Variants in SHISA9 observed in about 807,000 individuals in gnomAD.
SHISA9 encodes the protein shisa family member 9.
In SHISA9, 13 loss-of-function variants were observed where a neutral mutation model predicts 38.0. The observed-to-expected ratio is 0.34, with a 90% confidence interval of 0.22 to 0.54. The LOEUF is 0.54. Ranked by LOEUF, SHISA9 falls within the 20% of genes least tolerant of loss-of-function variation. The pLI, the probability that SHISA9 is intolerant of heterozygous loss-of-function variation, is 0.91. For missense variants in SHISA9, 538 were observed against 575.8 expected, an observed-to-expected ratio of 0.93 and a Z score of 0.67; for synonymous variants, 275 against 242.0, an observed-to-expected ratio of 1.14 and a Z score of -1.27.
intron 2 of SHISA9, among the ~76,000 whole-genome samples, chr16:12,946,952 CT>C (rs1378628418): frequency 6.6e-6 from 1 of 152,262 alleles, no homozygotes; most frequent in Non-Finnish European, 1.5e-5. Context: ...GCTTTTTCTG[CT>C]GCAATAGCAG....
chr16:13,503,042 G>C, the SHISA9 span, among the ~76,000 whole-genome samples: 5 of 152,176 alleles, frequency 3.3e-5, no homozygotes, highest in Non-Finnish European at 5.9e-5. Context: ...ACTTAACAGG[G>C]ACGACATGGC....
chr16:13,456,707 A>G, the SHISA9 span, among the ~76,000 whole-genome samples: 1 of 152,234 alleles, frequency 6.6e-6, no homozygotes, highest in Non-Finnish European at 1.5e-5. Context: ...CCTCCAGAAA[A>G]GCTGAAGACT....
At chr16:13,386,929 T>C in the SHISA9 span, among the ~76,000 whole-genome samples, 36 of 152,346 alleles carry the variant, frequency 2.4e-4, no homozygotes, top group African/African-American at 8.7e-4. Context: ...TATGCGTGTC[T>C]CTCTGGGCTA....
At chr16:13,262,446 T>C in the SHISA9 span, among the ~76,000 whole-genome samples, 144 of 152,328 alleles carry the variant, frequency 9.5e-4, 3 homozygotes, top group East Asian at 0.024. Context: ...CTGCACTCTG[T>C]CTATATCAGA....
At chr16:13,245,782 C>T in the SHISA9 span, among the ~76,000 whole-genome samples, 37 of 152,278 alleles carry the variant, frequency 2.4e-4, 2 homozygotes, top group African/African-American at 7.5e-4. Flanking sequence ...TCACTTCTCC[C>T]TGGAATGAGG....
rs144446103 is a variant in SHISA9, at chr16:13,006,819, A to G, written c.691+90004A>G. On this transcript the variant is annotated intron_variant, in intron 2 of 4. Coordinates refer to ENST00000558583, the MANE Select transcript of SHISA9 (RefSeq NM_001145204.3). ...TGACACAATTGTCCACTCTCTGATC[A>G]CTGAAGCTCATCCCCCGTCCCCCAC... 5.1e-4 allele frequency among the ~76,000 whole-genome samples: 78 copies of G among 152,202 alleles called. 2 individuals are homozygous for G. In the East Asian group the frequency reaches 0.01, roughly 20 times the overall value.
intron 2 of SHISA9, among the ~76,000 whole-genome samples, chr16:13,074,789 C>G (rs1039705680): frequency 6.6e-6 from 1 of 151,696 alleles, no homozygotes; most frequent in African/African-American, 2.4e-5. Flanking sequence ...CTCAGCCTCC[C>G]GAGCAGCTGG....
At chr16:13,485,663 C>G in the SHISA9 span, among the ~76,000 whole-genome samples, 1 of 152,160 alleles carries the variant, frequency 6.6e-6, no homozygotes, top group Admixed American at 6.5e-5. Flanking sequence ...TTCAATTCTT[C>G]TCTTCTAGGT....
At chr16:13,059,742 C>G (rs367794948) in intron 2 of SHISA9, among the ~76,000 whole-genome samples, 11 of 152,142 alleles carry the variant, frequency 7.2e-5, no homozygotes, top group African/African-American at 2.2e-4. Flanking sequence ...ACATTCTGAC[C>G]TCAAGTTAGA....
chr16:12,980,974 G>C (rs1007012870), intron 2 of SHISA9, among the ~76,000 whole-genome samples: 4 of 151,612 alleles, frequency 2.6e-5, no homozygotes, highest in African/African-American at 4.9e-5. Flanking sequence ...ATGTTTAATA[G>C]AAGGCTAATT....
chr16:13,190,232 C>T (rs2050870749), intron 2 of SHISA9, among the ~76,000 whole-genome samples: 1 of 139,284 alleles, frequency 7.2e-6, no homozygotes, highest in African/African-American at 2.6e-5. Flanking sequence ...CCTCCCCCCT[C>T]CCCCTACCCC....
At chr16:12,978,928 T>A (rs77095094) in intron 2 of SHISA9, among the ~76,000 whole-genome samples, 1 of 152,198 alleles carries the variant, frequency 6.6e-6, no homozygotes, top group African/African-American at 2.4e-5. Flanking sequence ...ATTTTCTGTA[T>A]CTGGAGAAGT....
chr16:13,405,880 G>A, the SHISA9 span, among the ~76,000 whole-genome samples: 1 of 150,712 alleles, frequency 6.6e-6, no homozygotes, highest in Non-Finnish European at 1.5e-5. Flanking sequence ...AACACTGATA[G>A]GCATCTAGAT....
chr16:13,486,661 A>G, the SHISA9 span, among the ~76,000 whole-genome samples: 3 of 152,094 alleles, frequency 2.0e-5, no homozygotes, highest in African/African-American at 7.2e-5. Flanking sequence ...TAGCATAGCA[A>G]ATGCTTAGTG....
chr16:13,299,374 G>A, the SHISA9 span, among the ~76,000 whole-genome samples: 1 of 152,100 alleles, frequency 6.6e-6, no homozygotes, highest in Non-Finnish European at 1.5e-5. Flanking sequence ...CTGAAGCACG[G>A]AAACGTTATG....
chr16:13,206,626 A>C (rs2051067431), intron 3 of SHISA9, among the ~76,000 whole-genome samples: 1 of 152,222 alleles, frequency 6.6e-6, no homozygotes, highest in Non-Finnish European at 1.5e-5. Context: ...TCCAGATGGA[A>C]TCATTCAAAT....
the SHISA9 span, among the ~76,000 whole-genome samples, chr16:13,521,211 T>C: frequency 6.6e-6 from 1 of 152,170 alleles, no homozygotes; most frequent in Non-Finnish European, 1.5e-5. Flanking sequence ...TTTCTCTAAT[T>C]AGGTGCAGAG....
chr16:13,413,568 C>T, the SHISA9 span, among the ~76,000 whole-genome samples: 11 of 151,732 alleles, frequency 7.2e-5, no homozygotes, highest in African/African-American at 1.2e-4. Flanking sequence ...CCAGCGTGGC[C>T]GATATGGTGA....
At chr16:13,447,034 T>TAA in the SHISA9 span, among the ~76,000 whole-genome samples, 6 of 141,666 alleles carry the variant, frequency 4.2e-5, no homozygotes, top group African/African-American at 1.0e-4. Flanking sequence ...TGTGGGGCTG[T>TAA]AAAAAAAAAA....
Sources: allele counts gnomAD v4.1 joint callset (sites outside exome capture counted in the v4.1 genomes callset), GRCh38; gene constraint gnomAD v4.1.1; transcripts MANE v1.5; gene names NCBI Gene and HGNC (gene_info 2026-07-23, HGNC 2026-07-21).